Variants in IQSEC3 observed in about 807,000 individuals in gnomAD.
The protein encoded by IQSEC3 is IQ motif and Sec7 domain ArfGEF 3.
In IQSEC3, 50 loss-of-function variants were observed where a neutral mutation model predicts 105.4. The observed-to-expected ratio is 0.47, with a 90% CI of 0.38 to 0.60. The LOEUF (loss-of-function observed/expected upper bound fraction) is 0.60, where lower values mean the gene tolerates loss of function less well. Among genes scored for constraint, IQSEC3 ranks in the 20% least tolerant of loss-of-function variants. The pLI is 0.00. For missense variants in IQSEC3, 1,415 were observed against 1,630.0 expected, an observed-to-expected ratio of 0.87 and a Z score of 2.27; for synonymous variants, 708 against 746.0, an observed-to-expected ratio of 0.95 and a Z score of 0.83.
chr12:173,523 G>A (rs1293789584), intron 13 of IQSEC3, among the ~76,000 whole-genome samples: 1 of 152,154 alleles, frequency 6.6e-6, no homozygotes, highest in African/African-American at 2.4e-5. Flanking sequence ...GTCTAGGCCT[G>A]GGATGAGGTA....
intron 1 of IQSEC3, among the ~76,000 whole-genome samples, chr12:80,226 A>C (rs1227987776): frequency 1.3e-5 from 2 of 152,252 alleles, no homozygotes; most frequent in Non-Finnish European, 2.9e-5. Context: ...TTGCAGCAGA[A>C]ATACGATTCG....
chr12:137,418 T>TAGGGGAGGAGCGGGGA (rs1865810367), intron 3 of IQSEC3: 3 of 152,146 alleles, frequency 2.0e-5, no homozygotes, highest in African/African-American at 7.2e-5. Context: ...TTTCATTGTT[T>TAGGGGAGGAGCGGGGA]ATTGTTTTAA....
chr12:122,490 A>T (rs1865253506), intron 2 of IQSEC3, among the ~76,000 whole-genome samples: 2 of 152,238 alleles, frequency 1.3e-5, no homozygotes, highest in African/African-American at 4.8e-5. Flanking sequence ...GCTATTTTTT[A>T]AAATTTGTTT....
chr12:94,118 A>G (rs1397709939), intron 1 of IQSEC3, among the ~76,000 whole-genome samples: 2 of 152,234 alleles, frequency 1.3e-5, no homozygotes, highest in Middle Eastern at 3.2e-3. Flanking sequence ...TCCCTGAGGC[A>G]GGGACTGCAG....
intron 5 of IQSEC3, chr12:143,430 G>A (rs1362159104): frequency 6.5e-6 from 1 of 153,082 alleles, no homozygotes; most frequent in Non-Finnish European, 1.5e-5. Flanking sequence ...AGAGGGCTGG[G>A]CGATGTGATT....
At chr12:160,990 C>CTT (rs1214515142) in intron 7 of IQSEC3, among the ~76,000 whole-genome samples, 1 of 152,144 alleles carries the variant, frequency 6.6e-6, no homozygotes, top group Non-Finnish European at 1.5e-5. Context: ...AGCCTTTCTC[C>CTT]TTGGTTTTTC....
Position 134,393 on chromosome 12 carries a change from G to A in IQSEC3, c.904-3874G>A, listed in dbSNP as rs782113093. Among the ~76,000 whole-genome samples, 6 of 152,330 alleles carry A rather than the reference G, an allele frequency of 3.9e-5. 1 individual carries two copies. The highest frequency in any genetic ancestry group is 1.5e-5 in the Non-Finnish European group (1 of 68,024). On this transcript the variant is annotated intron_variant, in intron 3 of 13. Coordinates refer to ENST00000538872, the MANE Select transcript of IQSEC3 (RefSeq NM_001170738.2). ...GCATAGACATTGCCCAGTAGTACAC[G>A]GAGTCTCCTAGGGTTATGTCAGCTG...
chr12:134,939 A>C (rs1245860351), intron 3 of IQSEC3, among the ~76,000 whole-genome samples: 4 of 151,496 alleles, frequency 2.6e-5, no homozygotes, highest in African/African-American at 4.8e-5. Context: ...CCAGCCTGGC[A>C]AACATGGCAA....
Position 163,955 on chromosome 12 carries a change from A to C in IQSEC3, c.2709+336A>C, listed in dbSNP as rs569946578. 5.9e-5 allele frequency among the ~76,000 whole-genome samples: 9 copies of C among 152,348 alleles called. No homozygotes were observed. In the South Asian group the frequency reaches 1.9e-3, roughly 32 times the overall value. On this transcript the variant is annotated intron_variant, in intron 9 of 13. Transcript: ENST00000538872. ...CAGGGAGTGCACAGGGCTGTGCCTC[A>C]GACCCCAGGGCCTGGGAGGAGCAGG...
At chr12:69,940 G>A (rs1229794225) in intron 1 of IQSEC3, among the ~76,000 whole-genome samples, 1 of 152,026 alleles carries the variant, frequency 6.6e-6, no homozygotes, top group African/African-American at 2.4e-5. Context: ...GGAGAGGTGA[G>A]GAGGAGGAGA....
intron 5 of IQSEC3, chr12:144,152 G>A (rs1565432383): frequency 6.6e-6 from 1 of 152,208 alleles, no homozygotes; most frequent in Non-Finnish European, 1.5e-5. Flanking sequence ...GCTTCTCTCC[G>A]AGGTGGAGAG....
intron 2 of IQSEC3, among the ~76,000 whole-genome samples, chr12:110,669 T>C (rs574087518): frequency 2.0e-5 from 3 of 152,252 alleles, no homozygotes; most frequent in African/African-American, 7.2e-5. Flanking sequence ...GGAAACAGAA[T>C]ATTTATGATT....
At chr12:133,968 G>A (rs189967468) in intron 3 of IQSEC3, among the ~76,000 whole-genome samples, 5 of 152,348 alleles carry the variant, frequency 3.3e-5, no homozygotes, top group East Asian at 1.9e-4. Context: ...TAGGAAGAAA[G>A]GGAACAGGCT....
intron 5 of IQSEC3, among the ~76,000 whole-genome samples, chr12:155,248 C>T (rs1181569733): frequency 2.0e-5 from 3 of 152,208 alleles, no homozygotes; most frequent in African/African-American, 4.8e-5. Context: ...GTCAGCTCAA[C>T]CTCAAATGCC....
At chr12:87,259 C>T (rs1863947379) in intron 1 of IQSEC3, among the ~76,000 whole-genome samples, 1 of 152,062 alleles carries the variant, frequency 6.6e-6, no homozygotes, top group Admixed American at 6.5e-5. Context: ...TGTTCCTTTC[C>T]ATGCACGCCT....
At chr12:120,113 G>A (rs1865170342) in intron 2 of IQSEC3, among the ~76,000 whole-genome samples, 1 of 152,222 alleles carries the variant, frequency 6.6e-6, no homozygotes, top group Non-Finnish European at 1.5e-5. Context: ...GCACCGTCTG[G>A]TGGAGGAGAG....
intron 1 of IQSEC3, among the ~76,000 whole-genome samples, chr12:89,897 G>A (rs1370593294): frequency 9.9e-5 from 15 of 152,134 alleles, no homozygotes; most frequent in East Asian, 7.7e-4. Flanking sequence ...GAATAGTTTC[G>A]TATCAGTATA....
chr12:123,694 T>C (rs1865290771), intron 2 of IQSEC3, among the ~76,000 whole-genome samples: 1 of 152,068 alleles, frequency 6.6e-6, no homozygotes, highest in Admixed American at 6.5e-5. Context: ...GAGGAACACC[T>C]CTCTGCACCC....
At chr12:174,361 C>T (rs1370849299) in intron 13 of IQSEC3, among the ~76,000 whole-genome samples, 3 of 152,120 alleles carry the variant, frequency 2.0e-5, no homozygotes, top group Non-Finnish European at 4.4e-5. Flanking sequence ...AGACTGAGGC[C>T]GTACAGCGAC....
Sources: gnomAD v4.1 joint callset for allele counts (sites outside exome capture counted in the v4.1 genomes callset) on GRCh38, gnomAD v4.1.1 for gene constraint, MANE v1.5 for transcripts, NCBI Gene and HGNC (gene_info 2026-07-23, HGNC 2026-07-21) for gene names.